The following NR3C2 variants were observed in gnomAD, a reference collection of about 807,000 sequenced individuals.
The protein encoded by NR3C2 is mineralocorticoid receptor.
A neutral mutation model predicts 86.4 loss-of-function variants in NR3C2; 15 were observed. That is an observed-to-expected ratio of 0.17 (90% CI 0.12 to 0.27). The LOEUF is 0.27. NR3C2 is among the 10% of genes least tolerant of loss of function. The pLI is 1.00. For missense variants in NR3C2, 960 were observed against 1,195.6 expected, an observed-to-expected ratio of 0.80 and a Z score of 2.91; for synonymous variants, 458 against 450.5, an observed-to-expected ratio of 1.02 and a Z score of -0.21.
intron 3 of NR3C2, among the ~76,000 whole-genome samples, chr4:148,226,326 T>G (rs1401405771): frequency 6.6e-6 from 1 of 152,218 alleles, no homozygotes; most frequent in Non-Finnish European, 1.5e-5. Flanking sequence ...GTCACATAGT[T>G]TGGTTTTTGC....
At chr4:148,237,681 T>G (rs72728422) in intron 3 of NR3C2, among the ~76,000 whole-genome samples, 22,409 of 151,194 alleles carry the variant, frequency 0.15, 2,092 homozygotes, top group Admixed American at 0.24. Flanking sequence ...GTTTTTTTTT[T>G]TTTTTGGAAG....
At chr4:148,088,802 G>A (rs972106553) in intron 8 of NR3C2, among the ~76,000 whole-genome samples, 9 of 151,944 alleles carry the variant, frequency 5.9e-5, no homozygotes, top group African/African-American at 2.2e-4. Flanking sequence ...ACCATGGCAC[G>A]TGTACCCCAG....
chr4:148,231,979 C>T (rs945368261), intron 3 of NR3C2, among the ~76,000 whole-genome samples: 2 of 152,172 alleles, frequency 1.3e-5, no homozygotes, highest in African/African-American at 4.8e-5. Flanking sequence ...TCTTCACGGT[C>T]CACTTCTATT....
At position 148,220,001 on chromosome 4, in the gene NR3C2, C is replaced by A. The variant is rs184055477; in HGVS notation, c.1898-25139G>T. Among the ~76,000 whole-genome samples, 174 of 152,262 alleles carry A rather than the reference C, an allele frequency of 1.1e-3. 1 individual carries two copies. The highest frequency in any genetic ancestry group is 4.4e-4 in the Non-Finnish European group (30 of 68,026). On this transcript the variant is annotated intron_variant, in intron 3 of 8. Transcript: ENST00000358102. ...GCAGTGCTGCAAACATAGCTCACTG[C>A]AGCCTCAACTTCCCAGGCTCAAGCA... is the stretch of plus-strand genomic sequence containing the variant.
In NR3C2 at chr4:148,080,831, G is replaced by A. The variant is rs1251583619; in HGVS notation, c.*513C>T. Reference sequence around the variant, plus strand: ...AGAGGCAGCTGCTGCCCCACGCCACGAGTTCTGTTATTACACAACAGGAAT... The same window carrying A: ...AGAGGCAGCTGCTGCCCCACGCCACAAGTTCTGTTATTACACAACAGGAAT... On this transcript the variant is annotated 3_prime_UTR_variant, in exon 9 of 9. Coordinates refer to ENST00000358102, the MANE Select transcript of NR3C2 (RefSeq NM_000901.5). The A allele has an allele frequency of 9.4e-6, 4 of 423,432 alleles. No homozygotes were observed. Among genetic ancestry groups the A allele is most frequent in the South Asian group, 3.4e-5 (2 of 58,698 alleles). The allele number at this position is 423,432 out of a possible 1,614,324, so 26.2% of individuals were successfully genotyped here.
intron 2 of NR3C2, among the ~76,000 whole-genome samples, chr4:148,419,782 G>A (rs1408591751): frequency 6.6e-6 from 1 of 151,878 alleles, no homozygotes; most frequent in Admixed American, 6.6e-5. Context: ...TGTTGCTTTT[G>A]CCCTTTCCAA....
intron 6 of NR3C2, among the ~76,000 whole-genome samples, chr4:148,120,598 G>C (rs1314923418): frequency 6.6e-6 from 1 of 152,178 alleles, no homozygotes; most frequent in Non-Finnish European, 1.5e-5. Context: ...GAGGATTTTA[G>C]TGTGTTACAG....
At chr4:148,286,807 A>C (rs1741546204) in intron 2 of NR3C2, among the ~76,000 whole-genome samples, 1 of 152,232 alleles carries the variant, frequency 6.6e-6, no homozygotes, top group Non-Finnish European at 1.5e-5. Flanking sequence ...TACCAACTGA[A>C]CACAATAACA....
At chr4:148,101,628 T>G (rs1319539494) in intron 8 of NR3C2, among the ~76,000 whole-genome samples, 1 of 152,204 alleles carries the variant, frequency 6.6e-6, no homozygotes, top group African/African-American at 2.4e-5. Context: ...TACACATATA[T>G]GCATACAGTA....
In NR3C2 at chr4:148,435,604, C is replaced by T. The variant is rs747308746; in HGVS notation, c.1257G>A (p.Ser419=). ...TTATTGGTACTGAGAATGAAGAATC[C>T]GAATTTATTTTGCTATTTCCTCCTA... ...SCLGGNSKIN[S]DSSFSVPIKQ... The change falls in exon 2 of 9, where the codon TCG becomes TCA. Residue 419 remains serine, a synonymous_variant. Transcript: ENST00000358102. 4.3e-5 allele frequency: 69 copies of T among 1,613,926 alleles called. No individual in the cohort carries two copies. The highest frequency in any genetic ancestry group is 5.6e-5 in the Non-Finnish European group (66 of 1,180,038).
intron 4 of NR3C2, among the ~76,000 whole-genome samples, chr4:148,160,936 GT>G (rs567290108): frequency 1.5e-3 from 222 of 152,224 alleles, no homozygotes; most frequent in African/African-American, 5.2e-3. Flanking sequence ...CAGAGAAGGA[GT>G]ACTCTCAAAG....
chr4:148,350,879 T>C (rs1387790022), intron 2 of NR3C2, among the ~76,000 whole-genome samples: 3 of 152,182 alleles, frequency 2.0e-5, no homozygotes, highest in Non-Finnish European at 4.4e-5. Flanking sequence ...CTATTATTCT[T>C]TTTCCCATCT....
intron 8 of NR3C2, among the ~76,000 whole-genome samples, chr4:148,094,839 G>A (rs774185577): frequency 4.6e-5 from 7 of 151,954 alleles, no homozygotes; most frequent in Non-Finnish European, 1.0e-4. Context: ...ACGAAATGTG[G>A]CATACACAGA....
At chr4:148,359,435 T>C (rs932927043) in intron 2 of NR3C2, among the ~76,000 whole-genome samples, 3 of 152,196 alleles carry the variant, frequency 2.0e-5, no homozygotes, top group Non-Finnish European at 2.9e-5. Flanking sequence ...GTACGATCTA[T>C]ACCTTCCCCA....
chr4:148,153,547 T>C (rs1355199256), intron 5 of NR3C2, among the ~76,000 whole-genome samples: 1 of 152,212 alleles, frequency 6.6e-6, no homozygotes. Context: ...GGAGTTTCAC[T>C]GGGCAAGCTC....
chr4:148,158,475 AATT>A (rs1734504272), intron 4 of NR3C2, among the ~76,000 whole-genome samples: 3 of 152,194 alleles, frequency 2.0e-5, no homozygotes, highest in Admixed American at 1.3e-4. Context: ...ACATGTTGGA[AATT>A]ATTATTAACA....
intron 2 of NR3C2, among the ~76,000 whole-genome samples, chr4:148,319,293 T>A (rs1425017977): frequency 6.6e-6 from 1 of 152,222 alleles, no homozygotes; most frequent in East Asian, 1.9e-4. Context: ...TGTAGTATAG[T>A]TCGAAGTCAG....
At chr4:148,082,242 C>T (rs1377167211) in intron 8 of NR3C2, among the ~76,000 whole-genome samples, 2 of 152,202 alleles carry the variant, frequency 1.3e-5, no homozygotes, top group African/African-American at 4.8e-5. Flanking sequence ...CTGACCTACT[C>T]CTACTTTATT....
chr4:148,256,600 G>A (rs1390619021), intron 3 of NR3C2, among the ~76,000 whole-genome samples: 10 of 152,150 alleles, frequency 6.6e-5, no homozygotes, highest in Non-Finnish European at 1.0e-4. Context: ...AGTGAGTGAC[G>A]TAAAAAATTA....
Sources: gnomAD v4.1 joint callset for allele counts (sites outside exome capture counted in the v4.1 genomes callset) on GRCh38, gnomAD v4.1.1 for gene constraint, MANE v1.5 for transcripts, NCBI Gene and HGNC (gene_info 2026-07-23, HGNC 2026-07-21) for gene names.